Variants in UNC13B observed in about 807,000 individuals in gnomAD.
UNC13B encodes unc-13 homolog B.
UNC13B carries 144 observed loss-of-function variants against 211.0 expected under a neutral mutation model. That is an observed-to-expected ratio of 0.68 (90% confidence interval 0.60 to 0.78). The LOEUF (loss-of-function observed/expected upper bound fraction) is 0.78. Among genes scored for constraint, UNC13B ranks in the 30% least tolerant of loss-of-function variants. The pLI is 0.00. For synonymous variants in UNC13B, 709 were observed against 725.8 expected, an observed-to-expected ratio of 0.98 and a Z score of 0.37; for missense variants, 1,777 against 2,002.0, an observed-to-expected ratio of 0.89 and a Z score of 2.14.
chr9:35,261,418 T>TC (rs1564100601), intron 7 of UNC13B, among the ~76,000 whole-genome samples: 2 of 152,122 alleles, frequency 1.3e-5, no homozygotes, highest in Admixed American at 6.5e-5. Context: ...TATTAAGAAC[T>TC]CCCTAATTGT....
intron 7 of UNC13B, among the ~76,000 whole-genome samples, chr9:35,282,572 C>A (rs1828561569): frequency 6.6e-6 from 1 of 152,116 alleles, no homozygotes; most frequent in South Asian, 2.1e-4. Flanking sequence ...GCTAGGACTA[C>A]AGGCACATGC....
chr9:35,403,249 C>A lies in UNC13B; in HGVS notation c.12567C>A (p.Val4189=). ...ACCCTGGTACTGGGGAGCACAAGGT[C>A]ACAGTGAAAGGTGAGTGATGGACTT... The part of the protein sequence containing the change: ...FTHPGTGEHK[V]TVKVVAANDL... The change falls in exon 38 of 40, where the codon GTC becomes GTA. Residue 4189 remains valine (V), a synonymous_variant. Coordinates refer to ENST00000635942, the MANE Select transcript of UNC13B (RefSeq NM_001371189.2). 1 of 1,614,138 alleles carries A rather than the reference C, an allele frequency of 6.2e-7. No homozygotes were observed. The highest frequency in any genetic ancestry group is 8.5e-7 in the Non-Finnish European group (1 of 1,180,018).
chr9:35,376,633 G>A lies in UNC13B; in HGVS notation c.9835+386G>A, dbSNP rs573935363. ...GAAATAGAGTTTTGTGGGGTTCCAGGCCCCACAGAGGAACCTCCTAAAGCC... is the reference window on the plus strand; with the variant it reads ...GAAATAGAGTTTTGTGGGGTTCCAGACCCCACAGAGGAACCTCCTAAAGCC... On this transcript the variant is annotated intron_variant, in intron 15 of 39. Transcript: ENST00000635942. Among the ~76,000 whole-genome samples, 11 of 152,258 alleles carry A rather than the reference G, an allele frequency of 7.2e-5. No individual in the cohort carries two copies. The South Asian group carries it at 2.3e-3, about 32-fold the overall frequency.
At chr9:35,354,341 G>C (rs558476754) in intron 11 of UNC13B, among the ~76,000 whole-genome samples, 1 of 152,224 alleles carries the variant, frequency 6.6e-6, no homozygotes, top group East Asian at 1.9e-4. Flanking sequence ...AGGCCCCTGT[G>C]GGAATTTCCC....
At position 35,352,729 on chromosome 9, in the gene UNC13B, A is replaced by G. The variant is rs951902127; in HGVS notation, c.9415-14218A>G. Reference sequence around the variant, plus strand: ...ATGAAATAAAAGGAGCATCAAGAACATCTCAAGTTATCAGTGGCAGCTGTG... The same window carrying G: ...ATGAAATAAAAGGAGCATCAAGAACGTCTCAAGTTATCAGTGGCAGCTGTG... On this transcript the variant is annotated intron_variant, in intron 11 of 39. Coordinates refer to ENST00000635942, the MANE Select transcript of UNC13B (RefSeq NM_001371189.2). 4.5e-5 allele frequency: 56 copies of G among 1,232,078 alleles called. No homozygotes were observed. The African/African-American group carries it at 7.6e-4, about 17-fold the overall frequency. 76.3% of individuals were successfully genotyped at this position (1,232,078 alleles called of 1,614,324 possible). A position where few individuals can be genotyped will look rare whatever the true frequency, so the allele number is the denominator to read the frequency against.
At chr9:35,195,321 A>C (rs1822876735) in intron 1 of UNC13B, among the ~76,000 whole-genome samples, 1 of 147,640 alleles carries the variant, frequency 6.8e-6, no homozygotes, top group Admixed American at 7.1e-5. Flanking sequence ...TTATCTGCCT[A>C]AGTGAGTTCT....
intron 37 of UNC13B, among the ~76,000 whole-genome samples, chr9:35,402,518 G>A (rs200345752): frequency 6.6e-6 from 1 of 151,842 alleles, no homozygotes; most frequent in East Asian, 1.9e-4. Context: ...TCCTGACCTC[G>A]TGATCCCCCC....
At chr9:35,382,941 G>T (rs1283117970) in intron 21 of UNC13B, among the ~76,000 whole-genome samples, 1 of 152,150 alleles carries the variant, frequency 6.6e-6, no homozygotes, top group African/African-American at 2.4e-5. Flanking sequence ...TTTGATAGAT[G>T]AATCTTGTTT....
rs889605824 is a variant in UNC13B, at chr9:35,310,644, A to G, written c.9186A>G (p.Gln3062=). Residue 3062 remains glutamine (Q), a synonymous_variant, in exon 10 of 40, where the codon CAA becomes CAG. Coordinates refer to ENST00000635942, the MANE Select transcript of UNC13B (RefSeq NM_001371189.2). ...ATGGCCAAGCAGGTTTTGGAGAACAAGAGAAACCCTTGGAGGTGACAGGTC... is the reference window on the plus strand; with the variant it reads ...ATGGCCAAGCAGGTTTTGGAGAACAGGAGAAACCCTTGGAGGTGACAGGTC... ...SRDGQAGFGE[Q]EKPLEVTGQA... 2 of 1,614,006 alleles carry G rather than the reference A, an allele frequency of 1.2e-6. No homozygotes were observed. The highest frequency in any genetic ancestry group is 8.5e-7 in the Non-Finnish European group (1 of 1,180,008).
chr9:35,325,040 A>T (rs572488992), intron 11 of UNC13B, among the ~76,000 whole-genome samples: 4 of 152,332 alleles, frequency 2.6e-5, no homozygotes, highest in African/African-American at 9.6e-5. Context: ...ACTAGATGTG[A>T]TTGGGCTCCT....
chr9:35,333,791 C>T (rs1163863003), intron 11 of UNC13B, among the ~76,000 whole-genome samples: 1 of 152,132 alleles, frequency 6.6e-6, no homozygotes, highest in African/African-American at 2.4e-5. Flanking sequence ...TCACTCACTC[C>T]AACCTTTAGG....
intron 7 of UNC13B, among the ~76,000 whole-genome samples, chr9:35,274,272 C>A (rs908618603): frequency 6.6e-6 from 1 of 152,100 alleles, no homozygotes; most frequent in African/African-American, 2.4e-5. Flanking sequence ...GGGGGTCTCA[C>A]TATGTTGCCC....
chr9:35,185,006 C>T (rs768667457), intron 1 of UNC13B, among the ~76,000 whole-genome samples: 3 of 152,124 alleles, frequency 2.0e-5, no homozygotes, highest in Non-Finnish European at 4.4e-5. Context: ...GATATTCATT[C>T]GTATGGGGGT....
At position 35,402,283 on chromosome 9, in the gene UNC13B, T is replaced by C. The variant is rs374817072; in HGVS notation, c.12485-884T>C. Among the ~76,000 whole-genome samples the C allele has an allele frequency of 2.3e-3, 301 of 131,594 alleles. 1 individual carries two copies. The highest frequency in any genetic ancestry group is 8.5e-3 in the African/African-American group (257 of 30,188). 86.3% of individuals were successfully genotyped at this position (131,594 alleles called of 152,430 possible). ...ATTGTGGTGGTGTTTTCTTTTTTTC[T>C]TTTTTTTTTTTTTTTTGAGACGGAG... is the stretch of plus-strand genomic sequence containing the variant. On this transcript the variant is annotated intron_variant, in intron 37 of 39. Coordinates refer to ENST00000635942, the MANE Select transcript of UNC13B (RefSeq NM_001371189.2).
chr9:35,257,575 T>C (rs1333685539), intron 6 of UNC13B, among the ~76,000 whole-genome samples: 3 of 84,730 alleles, frequency 3.5e-5, no homozygotes, highest in African/African-American at 5.1e-5. Flanking sequence ...AGTGAGAATC[T>C]GTATCAAAAA....
chr9:35,342,447 T>C, intron 11 of UNC13B: 1 of 804,686 alleles, frequency 1.2e-6, no homozygotes, highest in Non-Finnish European at 1.5e-6. Flanking sequence ...ACGTAATTGC[T>C]TGAGTCAACT....
At chr9:35,353,911 G>T (rs928694837) in intron 11 of UNC13B, 1 of 693,558 alleles carries the variant, frequency 1.4e-6, no homozygotes, top group African/African-American at 1.8e-5. Context: ...ATAAGGTGTT[G>T]GTTGACGTCC....
Position 35,397,204 on chromosome 9 carries a change from C to A in UNC13B, c.11570C>A (p.Ser3857Tyr). Residue 3857 changes from serine to tyrosine, a missense_variant, in exon 29 of 40, where the codon TCT (serine) becomes TAT (tyrosine). Ser to Tyr is a moderately radical substitution (Grantham distance 144, BLOSUM62 -2). Coordinates refer to ENST00000635942, the MANE Select transcript of UNC13B (RefSeq NM_001371189.2). ...TCAGAGCATGCACTCTTTTCCTGCT[C>A]TGTGGTGGATGTCTTCACACAACTC... ...QTSEHALFSC[S>Y]VVDVFTQLNQ... The A allele has an allele frequency of 1.9e-6, 3 of 1,614,220 alleles. No individual in the cohort carries two copies. Among genetic ancestry groups the A allele is most frequent in the Non-Finnish European group, 2.5e-6 (3 of 1,180,044 alleles).
intron 6 of UNC13B, among the ~76,000 whole-genome samples, chr9:35,257,403 TA>T (rs1312657609): frequency 3.1e-5 from 3 of 95,470 alleles, no homozygotes; most frequent in African/African-American, 1.4e-4. Flanking sequence ...TAAAAATATT[TA>T]TATAAATATT....
Sources: allele counts gnomAD v4.1 joint callset (sites outside exome capture counted in the v4.1 genomes callset), GRCh38; gene constraint gnomAD v4.1.1; transcripts MANE v1.5; gene names NCBI Gene and HGNC (gene_info 2026-07-23, HGNC 2026-07-21).